Variants in TUBAL3 observed in about 807,000 individuals in gnomAD.
TUBAL3 encodes tubulin alpha like 3.
TUBAL3 carries 16 observed loss-of-function variants against 15.5 expected under a neutral mutation model. The ratio of observed to expected loss-of-function variants is 1.04; its 90% CI spans 0.70 to 1.57. The LOEUF is 1.57. TUBAL3 is among the 40% of genes most tolerant of loss of function. The pLI is 0.00. For synonymous variants in TUBAL3, 238 were observed against 224.3 expected (o/e 1.06, Z -0.55); for missense variants, 609 against 576.2 (o/e 1.06, Z -0.58).
At position 5,396,505 on chromosome 10, in the gene TUBAL3, A is replaced by G. The variant is rs1831767276; in HGVS notation, c.248-1030T>C. ...GCAACAAGAGTGAAATTCTGTCTCA[A>G]AAAAAAGTAAAATAAAATAAAATGA... On this transcript the variant is annotated intron_variant, in intron 2 of 3. Coordinates refer to ENST00000380419, the MANE Select transcript of TUBAL3 (RefSeq NM_024803.3). The surrounding 1 kb of genome is among the most constrained non-coding windows in gnomAD (Gnocchi z 5.1). Among the ~76,000 whole-genome samples the G allele has an allele frequency of 6.6e-6, 1 of 152,180 alleles. No individual in the cohort carries two copies. Among genetic ancestry groups the G allele is most frequent in the South Asian group, 2.1e-4 (1 of 4,826 alleles).
chr10:5,400,511 A>C (rs1831833569), intron 2 of TUBAL3, among the ~76,000 whole-genome samples: 1 of 152,152 alleles, frequency 6.6e-6, no homozygotes, highest in Non-Finnish European at 1.5e-5. Flanking sequence ...GTGTGCCTGT[A>C]ATCCCAGCTA....
At chr10:5,403,752 C>A (rs1169105934) in intron 1 of TUBAL3, among the ~76,000 whole-genome samples, 1 of 151,640 alleles carries the variant, frequency 6.6e-6, no homozygotes, top group Non-Finnish European at 1.5e-5. Flanking sequence ...CCTTTTTTTC[C>A]AAATTCTCTA....
chr10:5,402,241 A>C (rs184728105), intron 1 of TUBAL3, among the ~76,000 whole-genome samples: 4 of 152,336 alleles, frequency 2.6e-5, no homozygotes. Flanking sequence ...TAAGGCAAAC[A>C]ACTATTCTGT....
Position 5,397,674 on chromosome 10 carries a change from C to G in TUBAL3, c.248-2199G>C, listed in dbSNP as rs948857370. 6.6e-6 allele frequency among the ~76,000 whole-genome samples: 1 copy of G among 152,206 alleles called. No homozygotes were observed. The highest frequency in any genetic ancestry group is 2.4e-5 in the African/African-American group (1 of 41,442). On this transcript the variant is annotated intron_variant, in intron 2 of 3. Coordinates refer to ENST00000380419, the MANE Select transcript of TUBAL3 (RefSeq NM_024803.3). This position sits in a 1 kb window ranked among gnomAD's most constrained non-coding sequence, Gnocchi z 4.9. ...TGCCCTTAATCAATATCCTCAGAGA[C>G]ATCAATGGCTTTTGAACAATTACAT...
intron 2 of TUBAL3, 78 bp downstream of exon 2, chr10:5,400,766 T>A: frequency 1.3e-6 from 2 of 1,563,758 alleles, no homozygotes; most frequent in South Asian, 2.3e-5. Flanking sequence ...TAGACCTGTA[T>A]AATCTGCTAA....
In TUBAL3 at chr10:5,393,544, G is replaced by A; in HGVS notation, c.1314C>T (p.Asp438=). Residue 438 remains aspartate (D), a synonymous_variant, in exon 4 of 4, where the codon GAC becomes GAT. Transcript: ENST00000380419. ...AREDLAALER[D]YEEVAQSF is the part of the protein sequence containing the mutation. Reference sequence around the variant, plus strand: ...AGAAACTTTGCGCCACTTCCTCATAGTCCCTCTCCAGGGCTGCCAGATCTT... The same window carrying A: ...AGAAACTTTGCGCCACTTCCTCATAATCCCTCTCCAGGGCTGCCAGATCTT... 2 of 1,611,610 alleles carry A rather than the reference G, an allele frequency of 1.2e-6. No homozygotes were observed. Among genetic ancestry groups the A allele is most frequent in the East Asian group, 4.5e-5 (2 of 44,862 alleles).
In TUBAL3 at chr10:5,401,026, T is replaced by A. The variant is rs782729778; in HGVS notation, c.65A>T (p.Glu22Val). 1 of 1,614,124 alleles carries A rather than the reference T, an allele frequency of 6.2e-7. No individual in the cohort carries two copies. The highest frequency in any genetic ancestry group is 8.5e-7 in the Non-Finnish European group (1 of 1,180,028). The change falls in exon 2 of 4, where the codon GAA (glutamate) becomes GTA (valine). Residue 22 changes from glutamate to valine, a missense_variant. Transcript: ENST00000380419. ...GATTCCATGTTCCAGGCAATAGAGT[T>A]CCCAGCAGGCGTCCCCAATCTGGAT... The part of the protein sequence containing the change: ...AGIQIGDACW[E>V]LYCLEHGIQP...
chr10:5,397,050 A>C lies in TUBAL3; in HGVS notation c.248-1575T>G, dbSNP rs1554814213. ...ACGCACGGCCCATATAACAACAGCAATTATAAGTAACAATGATAGAACTGG... is the reference window on the plus strand; with the variant it reads ...ACGCACGGCCCATATAACAACAGCACTTATAAGTAACAATGATAGAACTGG... On this transcript the variant is annotated intron_variant, in intron 2 of 3. Coordinates refer to ENST00000380419, the MANE Select transcript of TUBAL3 (RefSeq NM_024803.3). The surrounding 1 kb of genome is among the most constrained non-coding windows in gnomAD (Gnocchi z 4.9). Among the ~76,000 whole-genome samples the C allele has an allele frequency of 6.6e-6, 1 of 152,198 alleles. No homozygotes were observed. The highest frequency in any genetic ancestry group is 2.4e-5 in the African/African-American group (1 of 41,446).
At chr10:5,404,727 G>C in intron 1 of TUBAL3, 63 bp downstream of exon 1, 1 of 1,568,358 alleles carries the variant, frequency 6.4e-7, no homozygotes, top group African/African-American at 1.4e-5. Context: ...TTTGCTGTGG[G>C]AAAAGGGCCA....
rs782449341 is a variant in TUBAL3, at chr10:5,400,904, T to A, written c.187A>T (p.Thr63Ser). The A allele has an allele frequency of 6.2e-7, 1 of 1,614,246 alleles. No homozygotes were observed. The highest frequency in any genetic ancestry group is 1.1e-5 in the South Asian group (1 of 91,090). ...NASFDTFFCE[T>S]RAGKHVPRAL... is the part of the protein sequence containing the mutation. ...CTAGGCACATGCTTCCCAGCTCTTG[T>A]CTCACAGAAGAAGGTATCGAAAGAT... The change falls in exon 2 of 4, where the codon ACA becomes TCA. Residue 63 changes from threonine to serine, a missense_variant. Transcript: ENST00000380419.
At position 5,395,679 on chromosome 10, in the gene TUBAL3, G is replaced by A. The variant is rs1396613780; in HGVS notation, c.248-204C>T. Among the ~76,000 whole-genome samples, 1 of 152,174 alleles carries A rather than the reference G, an allele frequency of 6.6e-6. No homozygotes were observed. Among genetic ancestry groups the A allele is most frequent in the South Asian group, 2.1e-4 (1 of 4,832 alleles). ...TTTTTTACATATACATGGAAAGTAT[G>A]TTTTTCTACCATGCACCCCTTATTA... On this transcript the variant is annotated intron_variant, in intron 2 of 3. Transcript: ENST00000380419. The surrounding 1 kb of genome is among the most constrained non-coding windows in gnomAD (Gnocchi z 4.6).
At chr10:5,400,813 T>G in intron 2 of TUBAL3, 31 bp downstream of exon 2, 1 of 1,612,594 alleles carries the variant, frequency 6.2e-7, no homozygotes, top group South Asian at 1.1e-5. Context: ...TGGCTCCAGT[T>G]AAGTATGCTA....
Position 5,393,934 on chromosome 10 carries a change from C to A in TUBAL3, c.924G>T (p.Gln308His). 1 of 1,614,226 alleles carries A rather than the reference C, an allele frequency of 6.2e-7. No individual in the cohort carries two copies. Among genetic ancestry groups the A allele is most frequent in the South Asian group, 1.1e-5 (1 of 91,084 alleles). Residue 308 changes from glutamine to histidine, a missense_variant, in exon 4 of 4, where the codon CAG becomes CAT. Transcript: ENST00000380419. ...ITTACFESSN[Q>H]LVKCDPRLGK... ...CAAGCCGAGGATCACACTTGACCAG[C>A]TGGTTGGAGGACTCAAAGCAGGCAG... is the stretch of plus-strand genomic sequence containing the variant.
At position 5,393,190 on chromosome 10, in the gene TUBAL3, C is replaced by T. The variant is rs897032776; in HGVS notation, c.*327G>A. 1.6e-4 allele frequency: 38 copies of T among 237,268 alleles called. No homozygotes were observed. Among genetic ancestry groups the T allele is most frequent in the African/African-American group, 5.8e-4 (26 of 44,666 alleles). 14.7% of individuals were successfully genotyped at this position (237,268 alleles called of 1,614,324 possible). On this transcript the variant is annotated 3_prime_UTR_variant, in exon 4 of 4. Coordinates refer to ENST00000380419, the MANE Select transcript of TUBAL3 (RefSeq NM_024803.3). ...ATCAACATGTGCTGTTTTCTACTTC[C>T]GGTACCAGAAAGGAAAAGCATAAAC... is the stretch of plus-strand genomic sequence containing the variant.
chr10:5,397,349 TG>T lies in TUBAL3; in HGVS notation c.248-1875del, dbSNP rs1554814252. ...ACACAAACCTCCCCCAGAGCTAGGATGTTTAAAAGATATATTTATAAACAAG... is the reference window on the plus strand; with the variant it reads ...ACACAAACCTCCCCCAGAGCTAGGATTTTAAAAGATATATTTATAAACAAG... On this transcript the variant is annotated intron_variant, in intron 2 of 3. Coordinates refer to ENST00000380419, the MANE Select transcript of TUBAL3 (RefSeq NM_024803.3). The surrounding 1 kb of genome is among the most constrained non-coding windows in gnomAD (Gnocchi z 4.9). Among the ~76,000 whole-genome samples, 1 of 152,358 alleles carries T rather than the reference TG, an allele frequency of 6.6e-6. No individual in the cohort carries two copies. Among genetic ancestry groups the T allele is most frequent in the Admixed American group, 6.5e-5 (1 of 15,306 alleles).
Position 5,394,140 on chromosome 10 carries a change from G to A in TUBAL3, c.718C>T (p.Gln240Ter). 1 of 1,614,194 alleles carries A rather than the reference G, an allele frequency of 6.2e-7. No homozygotes were observed. Among genetic ancestry groups the A allele is most frequent in the South Asian group, 1.1e-5 (1 of 91,084 alleles). Residue 240 changes from glutamine (Q) to a stop codon, truncating the protein, a stop_gained, in exon 4 of 4, where the codon CAG becomes TAG. Coordinates refer to ENST00000380419, the MANE Select transcript of TUBAL3 (RefSeq NM_024803.3). LOFTEE classifies it low-confidence loss of function (END_TRUNC). This position sits in a 1 kb window ranked among gnomAD's most constrained non-coding sequence, Gnocchi z 4.3. ...GAGGCAGTGATGGAAGATACCACCTGAACCACCAATCTATTGATGCTGGCA... is the reference window on the plus strand; with the variant it reads ...GAGGCAGTGATGGAAGATACCACCTAAACCACCAATCTATTGATGCTGGCA... Reference protein sequence around the residue: ...SHASINRLVVQVVSSITASLR... With the variant: ...SHASINRLVV
intron 2 of TUBAL3, among the ~76,000 whole-genome samples, chr10:5,398,420 CA>C (rs67359864): frequency 0.64 from 51,904 of 80,726 alleles, 14,412 homozygotes; most frequent in East Asian, 0.73. Flanking sequence ...AACTCTGTCT[CA>C]AAAAAAAAAA....
chr10:5,393,663 C>G lies in TUBAL3; in HGVS notation c.1195G>C (p.Asp399His). Residue 399 changes from aspartate to histidine, a missense_variant, in exon 4 of 4, where the codon GAC (aspartate) becomes CAC (histidine). Coordinates refer to ENST00000380419, the MANE Select transcript of TUBAL3 (RefSeq NM_024803.3). ...GCGTACATGAGGTCAAACTTGTGGT[C>G]CAGGCGGGCCCAGGCCTCCACAATC... ...TAIVEAWARLDHKFDLMYAKR... is the reference protein window; with the variant it reads ...TAIVEAWARLHHKFDLMYAKR... 1.2e-6 allele frequency: 2 copies of G among 1,614,172 alleles called. No individual in the cohort carries two copies. The highest frequency in any genetic ancestry group is 1.7e-6 in the Non-Finnish European group (2 of 1,180,026).
In TUBAL3 at chr10:5,394,600, A is replaced by G. The variant is rs1225859283; in HGVS notation, c.397-139T>C. On this transcript the variant is annotated intron_variant, in intron 3 of 3. Coordinates refer to ENST00000380419, the MANE Select transcript of TUBAL3 (RefSeq NM_024803.3). This position sits in a 1 kb window ranked among gnomAD's most constrained non-coding sequence, Gnocchi z 4.3. The stretch of plus-strand genomic sequence containing the variant: ...ACTCCTTTGCCTTTGTTAACTCCAC[A>G]ACAAACATAGCTACTTTGAAATACT... 9 of 716,366 alleles carry G rather than the reference A, an allele frequency of 1.3e-5. No homozygotes were observed. In the African/African-American group the frequency reaches 1.6e-4, roughly 13 times the overall value. 44.4% of individuals were successfully genotyped at this position (716,366 alleles called of 1,614,324 possible). A position where few individuals can be genotyped will look rare whatever the true frequency, so the allele number is the denominator to read the frequency against.
Sources: allele counts gnomAD v4.1 joint callset (sites outside exome capture counted in the v4.1 genomes callset), GRCh38; gene constraint gnomAD v4.1.1; non-coding constraint Gnocchi (gnomAD v3.1); transcripts MANE v1.5; gene names NCBI Gene and HGNC (gene_info 2026-07-23, HGNC 2026-07-21).